The following STAG2 variants were observed in gnomAD, a reference collection of about 807,000 sequenced individuals.
The protein encoded by STAG2 is STAG2 cohesin complex component.
A neutral mutation model predicts 108.1 loss-of-function variants in STAG2; 14 were observed. The observed-to-expected ratio is 0.13, with a 90% CI of 0.09 to 0.20. STAG2 has a LOEUF of 0.20. Among genes scored for constraint, STAG2 ranks in the 10% least tolerant of loss-of-function variants. The pLI is 1.00. For synonymous variants in STAG2, 307 were observed against 302.7 expected, an observed-to-expected ratio of 1.01 and a Z score of -0.15; for missense variants, 440 against 940.9, an observed-to-expected ratio of 0.47 and a Z score of 6.96.
intron 1 of STAG2, 91 bp downstream of exon 1, chrX:123,961,947 G>C (rs1468135787): frequency 1.8e-5 from 2 of 112,956 alleles, no homozygotes; most frequent in Non-Finnish European, 3.8e-5. Context: ...AGGGGGCCCT[G>C]CCTGCCTGGC....
At chrX:124,086,880 A>T in intron 30 of STAG2, 110 bp downstream of exon 30, 2 of 635,252 alleles carry the variant, frequency 3.1e-6, no homozygotes, top group Non-Finnish European at 4.6e-6. Context: ...ATAGCTTACA[A>T]AATGTGTTCA....
At chrX:124,024,184 G>T (rs2057020170) in intron 3 of STAG2, among the ~76,000 whole-genome samples, 1 of 110,680 alleles carries the variant, frequency 9.0e-6, no homozygotes, top group Non-Finnish European at 1.9e-5. Flanking sequence ...TCTTAGTTGG[G>T]ATAGCTTGGA....
rs2059238106 is a variant in STAG2 at position 124,090,786 on chromosome X, C to T, written c.3467+22C>T. ...ATAAGTAAGTACATTTGATCATTTT[C>T]TGTACTATAACTTTATTAATTACAT... On this transcript the variant is annotated intron_variant, in intron 31 of 34. Transcript: ENST00000371145. 2.5e-6 allele frequency: 3 copies of T among 1,201,248 alleles called. No individual in the cohort carries two copies. The African/African-American group carries it at 5.3e-5, about 21-fold the overall frequency.
chrX:124,034,605 CTTG>C (rs1042103366), intron 5 of STAG2, among the ~76,000 whole-genome samples: 2 of 111,055 alleles, frequency 1.8e-5, no homozygotes, highest in Non-Finnish European at 1.9e-5. Flanking sequence ...TTTTGTTTTT[CTTG>C]TTGTTTGCAA....
At position 124,014,442 on chromosome X, in the gene STAG2, C is replaced by T. The variant is rs112339884; in HGVS notation, c.-162-6925C>T. On this transcript the variant is annotated intron_variant, in intron 1 of 34. Coordinates refer to ENST00000371145, the MANE Select transcript of STAG2 (RefSeq NM_001042750.2). Reference sequence around the variant, plus strand: ...GTGGCACGATCTCGGCTCACTGCAGCCTCCACCTCCTGGGTTTAAGCGATT... The same window carrying T: ...GTGGCACGATCTCGGCTCACTGCAGTCTCCACCTCCTGGGTTTAAGCGATT... Among the ~76,000 whole-genome samples the T allele has an allele frequency of 6.5e-3, 720 of 110,393 alleles. 5 individuals are homozygous for T. Among genetic ancestry groups the T allele is most frequent in the African/African-American group, 0.022 (680 of 30,333 alleles).
chrX:124,084,961 T>A (rs1205802445), intron 29 of STAG2, among the ~76,000 whole-genome samples: 1 of 111,636 alleles, frequency 9.0e-6, no homozygotes, highest in Non-Finnish European at 1.9e-5. Context: ...TCCAGTAATT[T>A]CATTCATAAG....
chrX:123,988,913 C>T (rs1173678614), intron 1 of STAG2, among the ~76,000 whole-genome samples: 1 of 111,377 alleles, frequency 9.0e-6, no homozygotes, highest in Non-Finnish European at 1.9e-5. Flanking sequence ...AAGGTTCATT[C>T]TCTCTGTGTG....
chrX:124,028,728 C>T (rs747028691), intron 4 of STAG2, among the ~76,000 whole-genome samples: 2 of 105,075 alleles, frequency 1.9e-5, no homozygotes, highest in South Asian at 4.3e-4. Flanking sequence ...TTGTAGGCAT[C>T]GCTATAGATC....
intron 13 of STAG2, among the ~76,000 whole-genome samples, chrX:124,054,778 G>GT (rs2058146017): frequency 1.8e-5 from 2 of 110,933 alleles, no homozygotes; most frequent in Admixed American, 9.6e-5. Flanking sequence ...TTTTTGTTTT[G>GT]TTTTTTAGAG....
intron 1 of STAG2, among the ~76,000 whole-genome samples, chrX:124,005,883 C>A (rs761446127): frequency 3.6e-5 from 4 of 111,449 alleles, no homozygotes; most frequent in Admixed American, 1.9e-4. Flanking sequence ...TATTCTGTCC[C>A]CCTCTCTTAG....
intron 1 of STAG2, chrX:123,962,163 C>T (rs930971056): frequency 9.0e-6 from 1 of 110,779 alleles, no homozygotes; most frequent in Admixed American, 9.6e-5. Flanking sequence ...GGTCGACTTT[C>T]TTTTTTCTTC....
chrX:124,052,446 T>C (rs182206403), intron 13 of STAG2, among the ~76,000 whole-genome samples: 1 of 112,682 alleles, frequency 8.9e-6, no homozygotes, highest in Non-Finnish European at 1.9e-5. Flanking sequence ...GTTTTTTGCA[T>C]CTGGCTTATT....
intron 34 of STAG2, chrX:124,097,688 A>T (rs940374188): frequency 2.9e-6 from 1 of 339,666 alleles, no homozygotes; most frequent in Non-Finnish European, 5.8e-6. Flanking sequence ...CGTGTGAGAA[A>T]GGTAATGGGA....
chrX:124,063,100 T>A lies in STAG2; in HGVS notation c.1732-16T>A. 5 of 1,185,537 alleles carry A rather than the reference T, an allele frequency of 4.2e-6. No individual in the cohort carries two copies. The highest frequency in any genetic ancestry group is 5.7e-6 in the Non-Finnish European group (5 of 874,519). The stretch of plus-strand genomic sequence containing the variant: ...TCTTATTGTGATATTTTTAACGTGA[T>A]CTTTATATTTCACAGTACTCTGTAG... On this transcript the variant is annotated splice_polypyrimidine_tract_variant and intron_variant, in intron 18 of 34. Transcript: ENST00000371145.
intron 1 of STAG2, among the ~76,000 whole-genome samples, chrX:123,983,526 G>A (rs1031805651): frequency 2.7e-5 from 3 of 111,264 alleles, no homozygotes; most frequent in Non-Finnish European, 3.8e-5. Flanking sequence ...TAGCAGTGAA[G>A]CCTATAGTGA....
intron 10 of STAG2, among the ~76,000 whole-genome samples, chrX:124,049,441 G>A (rs1032771281): frequency 8.9e-6 from 1 of 112,056 alleles, no homozygotes; most frequent in Non-Finnish European, 1.9e-5. Flanking sequence ...CAATTGGATA[G>A]GTTAAAGTGA....
At chrX:123,978,154 CTT>C (rs778721456) in intron 1 of STAG2, among the ~76,000 whole-genome samples, 39 of 80,966 alleles carry the variant, frequency 4.8e-4, no homozygotes, top group Admixed American at 5.6e-4. Flanking sequence ...CTACTGAGTT[CTT>C]TTTTTTTTTT....
chrX:123,991,710 G>A (rs2055479022), intron 1 of STAG2, among the ~76,000 whole-genome samples: 1 of 107,567 alleles, frequency 9.3e-6, no homozygotes, highest in African/African-American at 3.4e-5. Flanking sequence ...TGTTGCCCAG[G>A]CTGGAGTGCA....
intron 32 of STAG2, 53 bp from the exon 33 acceptor site, chrX:124,093,965 A>G: frequency 8.4e-7 from 1 of 1,188,019 alleles, no homozygotes; most frequent in Non-Finnish European, 1.1e-6. Context: ...CTGCCTAGAT[A>G]TTAATAGTCA....
Sources: gnomAD v4.1 joint callset for allele counts (sites outside exome capture counted in the v4.1 genomes callset) on GRCh38, gnomAD v4.1.1 for gene constraint, MANE v1.5 for transcripts, NCBI Gene and HGNC (gene_info 2026-07-23, HGNC 2026-07-21) for gene names.